Variants in MARCHF8 observed in about 807,000 individuals in gnomAD.
The protein encoded by MARCHF8 is membrane associated ring-CH-type finger 8.
In MARCHF8, 40 loss-of-function variants were observed where a neutral mutation model predicts 51.6. The observed-to-expected ratio is 0.77, with a 90% CI of 0.60 to 1.01. MARCHF8 has a LOEUF of 1.01. Ranked by LOEUF, MARCHF8 falls within the 50% of genes least tolerant of loss-of-function variation. The pLI is 0.00. For missense variants in MARCHF8, 685 were observed against 708.6 expected, an observed-to-expected ratio of 0.97 and a Z score of 0.38; for synonymous variants, 263 against 280.3, an observed-to-expected ratio of 0.94 and a Z score of 0.62.
At chr10:45,581,808 G>C (rs1353872736) in intron 1 of MARCHF8, among the ~76,000 whole-genome samples, 1 of 152,028 alleles carries the variant, frequency 6.6e-6, no homozygotes, top group Non-Finnish European at 1.5e-5. Context: ...TAGTTTACGG[G>C]GAAAGTGTCA....
intron 2 of MARCHF8, among the ~76,000 whole-genome samples, chr10:45,516,046 T>C (rs1288250536): frequency 6.6e-6 from 1 of 152,184 alleles, no homozygotes; most frequent in East Asian, 1.9e-4. Context: ...CTCCAAATCC[T>C]GACCACCCAC....
chr10:45,584,269 ATACAG>A (rs779607948), intron 1 of MARCHF8, among the ~76,000 whole-genome samples: 12 of 151,136 alleles, frequency 7.9e-5, no homozygotes, highest in East Asian at 5.8e-4. Flanking sequence ...ATAAAACACC[ATACAG>A]TAGTTATTAA....
At chr10:45,477,698 A>G (rs1015300246) in intron 3 of MARCHF8, among the ~76,000 whole-genome samples, 4 of 152,250 alleles carry the variant, frequency 2.6e-5, no homozygotes, top group Admixed American at 1.3e-4. Context: ...ACAGACACAT[A>G]TAGACTTAAA....
intron 2 of MARCHF8, among the ~76,000 whole-genome samples, chr10:45,506,245 A>T (rs369980350): frequency 6.6e-6 from 1 of 152,196 alleles, no homozygotes; most frequent in Admixed American, 6.5e-5. Context: ...AAAAAAAGCA[A>T]ATCTTTGGAA....
At chr10:45,491,126 CA>C (rs932286915) in intron 2 of MARCHF8, among the ~76,000 whole-genome samples, 3 of 152,158 alleles carry the variant, frequency 2.0e-5, no homozygotes, top group Non-Finnish European at 2.9e-5. Context: ...CTCCTGGCCT[CA>C]AGTAATTCTC....
chr10:45,470,065 T>C (rs996895325), intron 3 of MARCHF8, among the ~76,000 whole-genome samples: 4 of 152,052 alleles, frequency 2.6e-5, no homozygotes, highest in African/African-American at 9.7e-5. Context: ...CTCTTACAGA[T>C]CTCTAGAAAG....
At chr10:45,465,807 T>G (rs899282311) in intron 3 of MARCHF8, among the ~76,000 whole-genome samples, 1 of 152,344 alleles carries the variant, frequency 6.6e-6, no homozygotes, top group Non-Finnish European at 1.5e-5. Flanking sequence ...GAATCTACAT[T>G]TATTTTCTAA....
chr10:45,556,286 C>A (rs1381316700), intron 1 of MARCHF8, among the ~76,000 whole-genome samples: 2 of 152,162 alleles, frequency 1.3e-5, no homozygotes, highest in African/African-American at 2.4e-5. Context: ...CACAAACACA[C>A]ACACAAAACT....
At position 45,459,135 on chromosome 10, in the gene MARCHF8, G is replaced by T. The variant is rs745872162; in HGVS notation, c.1402C>A (p.Gln468Lys). 6.8e-6 allele frequency: 11 copies of T among 1,613,954 alleles called. No individual in the cohort carries two copies. The highest frequency in any genetic ancestry group is 9.3e-6 in the Non-Finnish European group (11 of 1,179,974). ...GAGAACTCACCTGTTGCCTGCCCCT[G>T]CTTGATCTCCTCAGCAGTACGGTCA... ...LIDRTAEEIKQGQATGILEWP... is the reference protein window; with the variant it reads ...LIDRTAEEIKKGQATGILEWP... Residue 468 changes from glutamine (Q) to lysine (K), a missense_variant, in exon 7 of 8, where the codon CAG becomes AAG. Gln to Lys is a moderately conservative substitution (Grantham distance 53). Transcript: ENST00000453424.
At chr10:45,461,519 C>G in intron 5 of MARCHF8, 108 bp from the exon 6 acceptor site, 1 of 910,436 alleles carries the variant, frequency 1.1e-6, no homozygotes, top group Non-Finnish European at 1.5e-6. Flanking sequence ...ACGAACATTA[C>G]AGAAGTGACT....
intron 2 of MARCHF8, among the ~76,000 whole-genome samples, chr10:45,492,633 TA>T (rs1245170441): frequency 6.6e-6 from 1 of 152,208 alleles, no homozygotes; most frequent in African/African-American, 2.4e-5. Flanking sequence ...TATTTGGACT[TA>T]AAATATATAG....
intron 1 of MARCHF8, among the ~76,000 whole-genome samples, chr10:45,557,365 G>T (rs2044264120): frequency 6.6e-6 from 1 of 151,802 alleles, no homozygotes; most frequent in Admixed American, 6.6e-5. Context: ...CTGACCTCAG[G>T]TGATCCACCT....
At position 45,552,162 on chromosome 10, in the gene MARCHF8, T is replaced by C. The variant is rs140675914; in HGVS notation, c.-78-18873A>G. ...CCAGTTTCCTAACCTTTCTGCACCA[T>C]TGACTGTGATATGTATACATACTAA... On this transcript the variant is annotated intron_variant, in intron 1 of 6. Transcript: ENST00000319836. 4.4e-3 allele frequency among the ~76,000 whole-genome samples: 668 copies of C among 152,284 alleles called. 4 individuals are homozygous for C. The highest frequency in any genetic ancestry group is 0.015 in the African/African-American group (637 of 41,564).
At chr10:45,502,840 T>C (rs1429061674) in intron 2 of MARCHF8, among the ~76,000 whole-genome samples, 1 of 152,110 alleles carries the variant, frequency 6.6e-6, no homozygotes, top group Non-Finnish European at 1.5e-5. Context: ...ATATCAGCAA[T>C]AAAGAAAGAG....
At chr10:45,488,422 A>C (rs577764854) in intron 3 of MARCHF8, among the ~76,000 whole-genome samples, 162 of 152,206 alleles carry the variant, frequency 1.1e-3, no homozygotes, top group African/African-American at 3.8e-3. Flanking sequence ...CCATGTGTCA[A>C]GTAGGAGATA....
chr10:45,514,783 T>C (rs2043591714), intron 2 of MARCHF8, among the ~76,000 whole-genome samples: 1 of 152,186 alleles, frequency 6.6e-6, no homozygotes, highest in Admixed American at 6.5e-5. Context: ...TCACCCAGAC[T>C]TACTTGAAAT....
At chr10:45,509,294 G>A (rs1318498241) in intron 2 of MARCHF8, among the ~76,000 whole-genome samples, 1 of 152,202 alleles carries the variant, frequency 6.6e-6, no homozygotes, top group African/African-American at 2.4e-5. Context: ...CTGGAATATT[G>A]TTGATGCTGT....
Position 45,456,761 on chromosome 10 carries a change from C to T in MARCHF8, c.*1478G>A, listed in dbSNP as rs563960552. On this transcript the variant is annotated 3_prime_UTR_variant, in exon 8 of 8. Coordinates refer to ENST00000453424, the MANE Select transcript of MARCHF8 (RefSeq NM_001282866.2). Reference sequence around the variant, plus strand: ...CGGAGGTAACTATTTGCCTGGAAAACTAGGAAACTGGGTTTTAAAAACAGA... The same window carrying T: ...CGGAGGTAACTATTTGCCTGGAAAATTAGGAAACTGGGTTTTAAAAACAGA... 2.7e-4 allele frequency: 41 copies of T among 152,328 alleles called. No individual in the cohort carries two copies. Among genetic ancestry groups the T allele is most frequent in the African/African-American group, 9.9e-4 (41 of 41,574 alleles). The allele number at this position is 152,328 out of a possible 1,614,324, so 9.4% of individuals were successfully genotyped here. A position where few individuals can be genotyped will look rare whatever the true frequency, so the allele number is the denominator to read the frequency against.
intron 2 of MARCHF8, among the ~76,000 whole-genome samples, chr10:45,527,330 G>T (rs1469485536): frequency 6.6e-6 from 1 of 151,990 alleles, no homozygotes; most frequent in Non-Finnish European, 1.5e-5. Context: ...GAAACAAAAA[G>T]TTGCTTCACT....
Sources: allele counts gnomAD v4.1 joint callset (sites outside exome capture counted in the v4.1 genomes callset), GRCh38; gene constraint gnomAD v4.1.1; transcripts MANE v1.5; gene names NCBI Gene and HGNC (gene_info 2026-07-23, HGNC 2026-07-21).